Variants in SDK1 observed in about 807,000 individuals in gnomAD.
SDK1 encodes the protein protein sidekick-1.
Under a neutral mutation model 245.5 loss-of-function variants are expected in SDK1, and 157 were observed. The observed-to-expected ratio is 0.64, with a 90% CI of 0.56 to 0.73. The LOEUF (loss-of-function observed/expected upper bound fraction) is 0.73, where lower values mean the gene tolerates loss of function less well. SDK1 is among the 30% of genes least tolerant of loss of function. The pLI is 0.00. For missense variants in SDK1, 3,583 were observed against 3,002.3 expected (o/e 1.19, Z -4.52); for synonymous variants, 1,647 against 1,278.5 (o/e 1.29, Z -6.15).
At chr7:3,916,666 A>G (rs1299011570) in intron 5 of SDK1, among the ~76,000 whole-genome samples, 3 of 152,216 alleles carry the variant, frequency 2.0e-5, no homozygotes, top group Non-Finnish European at 2.9e-5. Context: ...GTGTGTGTGC[A>G]TTGCATTTCT....
rs1032015920 is a variant in SDK1, at chr7:3,328,045, C to T, written c.298+26161C>T. On this transcript the variant is annotated intron_variant, in intron 1 of 44. Coordinates refer to ENST00000404826, the MANE Select transcript of SDK1 (RefSeq NM_152744.4). Reference sequence around the variant, plus strand: ...ATTAGATTACTATGTGGAGCATATTCAGAATAGAACTGCCTAAAAATAACG... The same window carrying T: ...ATTAGATTACTATGTGGAGCATATTTAGAATAGAACTGCCTAAAAATAACG... Among the ~76,000 whole-genome samples the T allele has an allele frequency of 2.8e-4, 43 of 152,026 alleles. 1 individual carries two copies. Among genetic ancestry groups the T allele is most frequent in the Admixed American group, 2.6e-3 (39 of 15,240 alleles).
chr7:3,484,500 C>T (rs1484884630), intron 1 of SDK1, among the ~76,000 whole-genome samples: 1 of 152,112 alleles, frequency 6.6e-6, no homozygotes, highest in Non-Finnish European at 1.5e-5. Context: ...GGAAAAATAT[C>T]CTTGTATAAG....
chr7:3,801,133 G>A (rs144508506), intron 4 of SDK1, among the ~76,000 whole-genome samples: 22 of 152,196 alleles, frequency 1.4e-4, no homozygotes, highest in African/African-American at 4.3e-4. Flanking sequence ...ACATAGATGC[G>A]GATGATTAAA....
chr7:4,049,219 C>G (rs561055473), intron 17 of SDK1, 129 bp from the exon 18 acceptor site: 1 of 647,242 alleles, frequency 1.5e-6, no homozygotes, highest in East Asian at 2.8e-5. Flanking sequence ...ACATTCATCA[C>G]ACTTCCTCGG....
At chr7:3,302,817 C>G (rs1779313427) in intron 1 of SDK1, among the ~76,000 whole-genome samples, 2 of 152,112 alleles carry the variant, frequency 1.3e-5, no homozygotes, top group Non-Finnish European at 1.5e-5. Flanking sequence ...TAGTTGTATT[C>G]CAAGATACAG....
At chr7:3,763,574 T>C (rs1236051144) in intron 4 of SDK1, among the ~76,000 whole-genome samples, 1 of 152,228 alleles carries the variant, frequency 6.6e-6, no homozygotes, top group Non-Finnish European at 1.5e-5. Flanking sequence ...CATTAGAGTT[T>C]CATGTGTTTA....
At chr7:3,323,941 G>A (rs1335361907) in intron 1 of SDK1, among the ~76,000 whole-genome samples, 1 of 152,026 alleles carries the variant, frequency 6.6e-6, no homozygotes, top group African/African-American at 2.4e-5. Context: ...TGATTGCAGG[G>A]TTTCTATTAC....
At chr7:4,189,019 C>T (rs1783043824) in intron 35 of SDK1, among the ~76,000 whole-genome samples, 2 of 151,730 alleles carry the variant, frequency 1.3e-5, no homozygotes, top group Admixed American at 1.3e-4. Context: ...AATTTCTCAG[C>T]CATTCTATGA....
intron 19 of SDK1, among the ~76,000 whole-genome samples, chr7:4,056,103 C>G (rs7804112): frequency 0.26 from 38,595 of 150,510 alleles, 7,317 homozygotes; most frequent in African/African-American, 0.55. Context: ...GTCTATTTCT[C>G]CTTTTCAATT....
At chr7:3,474,856 C>T (rs1436513224) in intron 1 of SDK1, among the ~76,000 whole-genome samples, 1 of 152,082 alleles carries the variant, frequency 6.6e-6, no homozygotes, top group Non-Finnish European at 1.5e-5. Flanking sequence ...TCATACCTGG[C>T]TAATGTTTTA....
chr7:3,761,228 C>A (rs954239107), intron 4 of SDK1, among the ~76,000 whole-genome samples: 1 of 146,262 alleles, frequency 6.8e-6, no homozygotes, highest in Non-Finnish European at 1.5e-5. Context: ...ATTGAAAAAT[C>A]CAGTAGTTTT....
At chr7:3,804,015 T>C (rs886353093) in intron 4 of SDK1, among the ~76,000 whole-genome samples, 46 of 152,198 alleles carry the variant, frequency 3.0e-4, no homozygotes, top group East Asian at 1.4e-3. Flanking sequence ...CCACCTGCCT[T>C]GGCCTCCCAA....
At chr7:3,349,756 C>G (rs530672827) in intron 1 of SDK1, among the ~76,000 whole-genome samples, 3 of 137,508 alleles carry the variant, frequency 2.2e-5, no homozygotes, top group Non-Finnish European at 3.2e-5. Context: ...CCTGCCACCA[C>G]GCCTGGTTAA....
intron 17 of SDK1, among the ~76,000 whole-genome samples, chr7:4,033,634 G>A (rs899172358): frequency 6.6e-6 from 1 of 152,084 alleles, no homozygotes; most frequent in Non-Finnish European, 1.5e-5. Flanking sequence ...AAGAAAATTA[G>A]AAGAAAAATG....
At chr7:3,548,918 G>A (rs901843137) in intron 1 of SDK1, among the ~76,000 whole-genome samples, 4 of 152,040 alleles carry the variant, frequency 2.6e-5, no homozygotes, top group Admixed American at 6.6e-5. Flanking sequence ...AGCATTAATC[G>A]GAGACTTCTG....
chr7:4,242,705 G>A (rs966541180), intron 43 of SDK1, among the ~76,000 whole-genome samples: 2 of 152,162 alleles, frequency 1.3e-5, no homozygotes, highest in Non-Finnish European at 2.9e-5. Context: ...GACTCACCTT[G>A]GATTAGACTC....
At chr7:4,157,452 A>AAAAGGAAGGAGGGAAGGGG (rs1780822841) in intron 30 of SDK1, among the ~76,000 whole-genome samples, 1 of 50,588 alleles carries the variant, frequency 2.0e-5, no homozygotes, top group African/African-American at 7.4e-5. Context: ...GAGGGAAGGG[A>AAAAGGAAGGAGGGAAGGGG]GGTGGAAGGG....
chr7:3,554,773 T>C (rs931024354), intron 1 of SDK1, among the ~76,000 whole-genome samples: 5 of 151,342 alleles, frequency 3.3e-5, no homozygotes, highest in Non-Finnish European at 7.4e-5. Flanking sequence ...CAAAAAGGAG[T>C]AGTATTTGTC....
chr7:3,894,144 C>A (rs1045517857), intron 5 of SDK1, among the ~76,000 whole-genome samples: 1 of 152,132 alleles, frequency 6.6e-6, no homozygotes, highest in African/African-American at 2.4e-5. Flanking sequence ...GCAGTTGGAC[C>A]AGTTTTAAAA....
Sources: allele counts gnomAD v4.1 joint callset (sites outside exome capture counted in the v4.1 genomes callset), GRCh38; gene constraint gnomAD v4.1.1; transcripts MANE v1.5; gene names NCBI Gene and HGNC (gene_info 2026-07-23, HGNC 2026-07-21).